The following STRA6 variants were observed in gnomAD, a reference collection of about 807,000 sequenced individuals.
STRA6 encodes the protein receptor for retinol uptake STRA6.
A neutral mutation model predicts 83.6 loss-of-function variants in STRA6; 48 were observed. The ratio of observed to expected loss-of-function variants is 0.57; its 90% CI spans 0.46 to 0.73. STRA6 has a LOEUF of 0.73. STRA6 is among the 30% of genes least tolerant of loss of function. The pLI is 0.00. For missense variants in STRA6, 760 were observed against 838.8 expected (o/e 0.91, Z 1.16); for synonymous variants, 353 against 362.3 (o/e 0.97, Z 0.29).
intron 2 of STRA6, among the ~76,000 whole-genome samples, chr15:74,200,853 G>A (rs1356718947): frequency 2.0e-5 from 3 of 152,192 alleles, no homozygotes; most frequent in Admixed American, 2.0e-4. Flanking sequence ...TTTATTCTGA[G>A]ACAACAGCTA....
chr15:74,192,984 A>G (rs2073623821), intron 8 of STRA6, among the ~76,000 whole-genome samples: 1 of 152,200 alleles, frequency 6.6e-6, no homozygotes, highest in African/African-American at 2.4e-5. Context: ...AGTCCACAGC[A>G]CTGAGCCCGG....
rs977203133 is a variant in STRA6 at position 74,188,797 on chromosome 15, C to T, written c.1090+318G>A. 2.0e-5 allele frequency among the ~76,000 whole-genome samples: 3 copies of T among 152,190 alleles called. No homozygotes were observed. Among genetic ancestry groups the T allele is most frequent in the African/African-American group, 7.2e-5 (3 of 41,458 alleles). ...TCGCCGTCTCTTCCCTCCTTCCCCA[C>T]CCTCAGCTCCCCCATCCCATGGCCT... On this transcript the variant is annotated intron_variant, in intron 12 of 18. Transcript: ENST00000395105. This position sits in a 1 kb window ranked among gnomAD's most constrained non-coding sequence, Gnocchi z 4.5.
Position 74,191,851 on chromosome 15 carries a change from G to T in STRA6, c.721-360C>A, listed in dbSNP as rs770444098. On this transcript the variant is annotated intron_variant, in intron 8 of 18. Coordinates refer to ENST00000395105, the MANE Select transcript of STRA6 (RefSeq NM_022369.4). ...CTAGCTGAAACTGGGGCAAAGGGAA[G>T]CTTGTGTCCCACGGGCACATCCTAG... The T allele has an allele frequency of 9.9e-6, 4 of 403,378 alleles. No homozygotes were observed. The Admixed American group carries it at 1.5e-4, about 15-fold the overall frequency. The allele number at this position is 403,378 out of a possible 1,614,324, so 25.0% of individuals were successfully genotyped here.
chr15:74,188,156 T>C lies in STRA6; in HGVS notation c.1090+959A>G, dbSNP rs937434437. ...TGGAGGTGGTCAGGGAAGGAAGTGG[T>C]CACTCCGTGCACCTCTGCCCACCCC... is the stretch of plus-strand genomic sequence containing the variant. On this transcript the variant is annotated intron_variant, in intron 12 of 18. Transcript: ENST00000395105. The surrounding 1 kb of genome is among the most constrained non-coding windows in gnomAD (Gnocchi z 4.5). Among the ~76,000 whole-genome samples the C allele has an allele frequency of 7.2e-5, 11 of 152,122 alleles. No homozygotes were observed. The highest frequency in any genetic ancestry group is 2.7e-4 in the African/African-American group (11 of 41,408).
At chr15:74,196,728 C>T (rs1277294380) in intron 4 of STRA6, among the ~76,000 whole-genome samples, 1 of 152,196 alleles carries the variant, frequency 6.6e-6, no homozygotes, top group African/African-American at 2.4e-5. Context: ...CCCACAAAAC[C>T]AGCACAGCAA....
At chr15:74,211,751 CT>C (rs2074371244), upstream of STRA6, among the ~76,000 whole-genome samples, 2 of 152,032 alleles carry the variant, frequency 1.3e-5, no homozygotes. Context: ...CTTTCTGCCC[CT>C]GTCCATCAGT....
In STRA6 at chr15:74,191,063, G is replaced by A. The variant is rs529245913; in HGVS notation, c.865+104C>T. The A allele has an allele frequency of 6.4e-4, 1,009 of 1,568,786 alleles. 9 individuals carry two copies. In the African/African-American group the frequency reaches 0.013, roughly 20 times the overall value. On this transcript the variant is annotated intron_variant, in intron 10 of 18. Transcript: ENST00000395105. ...CAAGCTGGTAGTTGTCCCTCTTGAT[G>A]ACAAGGATTCTGGGGAGCAGGAGCC...
At position 74,188,080 on chromosome 15, in the gene STRA6, G is replaced by A. The variant is rs1033569591; in HGVS notation, c.1090+1035C>T. ...CCTGTCCAGTTTGTTGCCCTCAGCA[G>A]CAGTTCCAGGGCAGCCTCTAGTACG... On this transcript the variant is annotated intron_variant, in intron 12 of 18. Transcript: ENST00000395105. This position sits in a 1 kb window ranked among gnomAD's most constrained non-coding sequence, Gnocchi z 4.5. 4.6e-5 allele frequency among the ~76,000 whole-genome samples: 7 copies of A among 152,212 alleles called. No homozygotes were observed. The highest frequency in any genetic ancestry group is 1.7e-4 in the African/African-American group (7 of 41,446).
intron 13 of STRA6, 31 bp downstream of exon 13, chr15:74,184,949 G>A (rs375450740): frequency 9.0e-5 from 144 of 1,607,702 alleles, no homozygotes; most frequent in East Asian, 4.5e-4. Flanking sequence ...TCCCCACCTC[G>A]GCGCTGGGTG....
chr15:74,203,702 G>T (rs1220361208), upstream of STRA6, among the ~76,000 whole-genome samples: 1 of 152,194 alleles, frequency 6.6e-6, no homozygotes, highest in Non-Finnish European at 1.5e-5. Context: ...AGTTCAGCGG[G>T]GACACAGCCA....
chr15:74,183,706 AGG>A, intron 14 of STRA6, 148 bp downstream of exon 14: 1 of 1,582,732 alleles, frequency 6.3e-7, no homozygotes, highest in Non-Finnish European at 8.5e-7. Flanking sequence ...CAGGGAAGGC[AGG>A]GGGGTCCCTC....
rs79510426 is a variant in STRA6 at position 74,182,472 on chromosome 15, G to A, written c.1301-12C>T. 6.2e-4 allele frequency: 997 copies of A among 1,597,722 alleles called. 2 individuals are homozygous for A. Among genetic ancestry groups the A allele is most frequent in the African/African-American group, 5.8e-3 (432 of 74,710 alleles). On this transcript the variant is annotated splice_polypyrimidine_tract_variant and intron_variant, in intron 14 of 18. Transcript: ENST00000395105. ...CTGCACCAGGAGCCCTGCCAGGGGC[G>A]GGAGTGGCAGGGGGACAGAAAACAG...
At chr15:74,197,977 G>A in intron 2 of STRA6, 159 bp from the exon 3 acceptor site, 1 of 744,700 alleles carries the variant, frequency 1.3e-6, no homozygotes, top group Non-Finnish European at 2.3e-6. Flanking sequence ...ACCTTCTCAG[G>A]GTCATTCTGG....
upstream of STRA6, chr15:74,209,632 T>C (rs2074339321): frequency 1.7e-6 from 1 of 594,668 alleles, no homozygotes; most frequent in African/African-American, 1.9e-5. Flanking sequence ...GGAGTCCTGC[T>C]CTTCACCCCA....
upstream of STRA6, chr15:74,203,313 C>G: frequency 1.8e-6 from 1 of 564,134 alleles, no homozygotes; most frequent in Non-Finnish European, 2.2e-6. Flanking sequence ...GCAAGAGGAG[C>G]CCCGCCTGCC....
rs776834168 is a variant in STRA6, at chr15:74,182,470, G to T, written c.1301-10C>A. 2 of 1,602,170 alleles carry T rather than the reference G, an allele frequency of 1.2e-6. No homozygotes were observed. Among genetic ancestry groups the T allele is most frequent in the Admixed American group, 1.7e-5 (1 of 58,424 alleles). On this transcript the variant is annotated splice_polypyrimidine_tract_variant and intron_variant, in intron 14 of 18. Coordinates refer to ENST00000395105, the MANE Select transcript of STRA6 (RefSeq NM_022369.4). ...TGCTGCACCAGGAGCCCTGCCAGGG[G>T]CGGGAGTGGCAGGGGGACAGAAAAC...
At chr15:74,202,372 C>T in intron 1 of STRA6, 90 bp from the exon 2 acceptor site, 1 of 1,548,554 alleles carries the variant, frequency 6.5e-7, no homozygotes, top group Non-Finnish European at 8.7e-7. Context: ...ACGGAAAACC[C>T]AAACAAAGAA....
upstream of STRA6, chr15:74,209,164 A>G: frequency 1.6e-6 from 2 of 1,284,260 alleles, no homozygotes; most frequent in African/African-American, 1.5e-5. Context: ...GGCACAGAGC[A>G]GGGGCTGGGG....
At chr15:74,184,919 C>A in intron 13 of STRA6, 61 bp downstream of exon 13, 3 of 1,550,434 alleles carry the variant, frequency 1.9e-6, no homozygotes, top group East Asian at 2.3e-5. Context: ...TCCCCGCAGG[C>A]CCACAGGACT....
Sources: allele counts gnomAD v4.1 joint callset (sites outside exome capture counted in the v4.1 genomes callset), GRCh38; gene constraint gnomAD v4.1.1; non-coding constraint Gnocchi (gnomAD v3.1); transcripts MANE v1.5; gene names NCBI Gene and HGNC (gene_info 2026-07-23, HGNC 2026-07-21).